INTS8: variants seen among roughly 807,000 people sequenced by gnomAD.
INTS8 encodes the protein integrator complex subunit 8, also known as protein kaonashi-1.
Under a neutral mutation model 138.9 loss-of-function variants are expected in INTS8, and 47 were observed. The observed-to-expected ratio is 0.34, with a 90% CI of 0.27 to 0.43. The LOEUF (loss-of-function observed/expected upper bound fraction) is 0.43. Ranked by LOEUF, INTS8 falls within the 20% of genes least tolerant of loss-of-function variation. The pLI is 1.00. For synonymous variants in INTS8, 392 were observed against 400.9 expected, an observed-to-expected ratio of 0.98 and a Z score of 0.27; for missense variants, 996 against 1,173.0, an observed-to-expected ratio of 0.85 and a Z score of 2.20.
chr8:94,843,499 A>G (rs1815214108), intron 10 of INTS8, among the ~76,000 whole-genome samples: 1 of 152,110 alleles, frequency 6.6e-6, no homozygotes, highest in South Asian at 2.1e-4. Flanking sequence ...ACTAGGAGGC[A>G]GAGGTTTCAA....
intron 16 of INTS8, among the ~76,000 whole-genome samples, chr8:94,864,240 C>T (rs1247417860): frequency 1.3e-5 from 2 of 151,766 alleles, no homozygotes; most frequent in Non-Finnish European, 2.9e-5. Context: ...AATTTTTGTC[C>T]TTGTCACAAT....
intron 16 of INTS8, among the ~76,000 whole-genome samples, chr8:94,862,238 G>A (rs1816018912): frequency 6.6e-6 from 1 of 152,126 alleles, no homozygotes; most frequent in South Asian, 2.1e-4. Context: ...CACCGTGCCC[G>A]ACCTGAATCA....
At chr8:94,824,167 GA>G (rs1407468191) in intron 1 of INTS8, among the ~76,000 whole-genome samples, 1 of 152,260 alleles carries the variant, frequency 6.6e-6, no homozygotes, top group African/African-American at 2.4e-5. Flanking sequence ...GATGGGGGAG[GA>G]GGAAAACTCC....
intron 8 of INTS8, 55 bp downstream of exon 8, chr8:94,838,673 T>G: frequency 6.9e-7 from 1 of 1,458,808 alleles, no homozygotes; most frequent in South Asian, 1.2e-5. Flanking sequence ...AAAACTAAGT[T>G]CAAATCCTCG....
chr8:94,875,943 A>G, intron 23 of INTS8, 131 bp from the exon 24 acceptor site: 1 of 683,252 alleles, frequency 1.5e-6, no homozygotes, highest in Non-Finnish European at 2.6e-6. Flanking sequence ...TGAAATTAAA[A>G]TTGGATGGAA....
At chr8:94,842,260 G>C (rs1815163412) in intron 9 of INTS8, 87 bp from the exon 10 acceptor site, 2 of 781,962 alleles carry the variant, frequency 2.6e-6, no homozygotes. Flanking sequence ...AGAATAAATG[G>C]CTCATTCTTG....
intron 7 of INTS8, 92 bp from the exon 8 acceptor site, chr8:94,838,371 A>G (rs1815011387): frequency 1.8e-6 from 2 of 1,100,992 alleles, no homozygotes; most frequent in South Asian, 1.7e-5. Context: ...TTTCGTTAGC[A>G]TTTCCTTGTA....
At chr8:94,866,692 T>C (rs1174510494) in intron 18 of INTS8, 1 of 171,594 alleles carries the variant, frequency 5.8e-6, no homozygotes, top group South Asian at 1.5e-4. Context: ...TACTTTACCA[T>C]GTTTTAGTGA....
At position 94,880,182 on chromosome 8, in the gene INTS8, C is replaced by A; in HGVS notation, c.2936C>A (p.Ala979Glu). The A allele has an allele frequency of 6.2e-7, 1 of 1,610,580 alleles. No individual in the cohort carries two copies. Among genetic ancestry groups the A allele is most frequent in the Non-Finnish European group, 8.5e-7 (1 of 1,178,898 alleles). The change falls in exon 27 of 27, where the codon GCG (alanine) becomes GAG (glutamate). Residue 979 changes from alanine to glutamate, a missense_variant. Coordinates refer to ENST00000523731, the MANE Select transcript of INTS8 (RefSeq NM_017864.4). ...CCAGAAGAAGTGTTACAGCTGGCAGCGCAGAGAAGGAAAAAAAAGTTTCTC... is the reference window on the plus strand; with the variant it reads ...CCAGAAGAAGTGTTACAGCTGGCAGAGCAGAGAAGGAAAAAAAAGTTTCTC... ...SNPEEVLQLA[A>E]QRRKKKFLQA...
chr8:94,869,233 A>C (rs899497086), intron 20 of INTS8, among the ~76,000 whole-genome samples: 2 of 151,014 alleles, frequency 1.3e-5, no homozygotes, highest in Non-Finnish European at 2.9e-5. Flanking sequence ...TGCACACCTC[A>C]GCCTCCCAAA....
chr8:94,872,707 A>G (rs1816440134), intron 21 of INTS8, among the ~76,000 whole-genome samples: 1 of 152,196 alleles, frequency 6.6e-6, no homozygotes, highest in African/African-American at 2.4e-5. Flanking sequence ...AGGTTTTCCC[A>G]CTTGATACGA....
chr8:94,862,747 G>A (rs990744303), intron 16 of INTS8, among the ~76,000 whole-genome samples: 1 of 152,044 alleles, frequency 6.6e-6, no homozygotes, highest in African/African-American at 2.4e-5. Context: ...CCTTGTTAAT[G>A]TCAAGGAAAA....
At chr8:94,850,370 T>C (rs1815486870) in intron 12 of INTS8, among the ~76,000 whole-genome samples, 1 of 152,110 alleles carries the variant, frequency 6.6e-6, no homozygotes, top group African/African-American at 2.4e-5. Context: ...CCCAGCACTT[T>C]GGGAGGCCAA....
At chr8:94,865,355 T>A (rs57099803) in intron 16 of INTS8, 151 bp from the exon 17 acceptor site, 10,595 of 606,300 alleles carry the variant, frequency 0.017, 227 homozygotes, top group East Asian at 0.075. Flanking sequence ...CCTAAATTCC[T>A]CAAAGGTTGT....
At chr8:94,869,713 A>T (rs1482854812) in intron 20 of INTS8, among the ~76,000 whole-genome samples, 1 of 152,032 alleles carries the variant, frequency 6.6e-6, no homozygotes, top group Non-Finnish European at 1.5e-5. Flanking sequence ...GGCTGGTCTC[A>T]AACTCCTGAC....
intron 13 of INTS8, among the ~76,000 whole-genome samples, chr8:94,852,194 C>G (rs928000241): frequency 6.6e-6 from 1 of 152,200 alleles, no homozygotes; most frequent in African/African-American, 2.4e-5. Context: ...CTACCCGCCT[C>G]TGCCTCCCCA....
chr8:94,858,536 T>C (rs539459195), intron 15 of INTS8, among the ~76,000 whole-genome samples: 1 of 152,364 alleles, frequency 6.6e-6, no homozygotes, highest in African/African-American at 2.4e-5. Flanking sequence ...TGAGAAAGAA[T>C]GTTTAAACCC....
intron 10 of INTS8, among the ~76,000 whole-genome samples, chr8:94,844,026 C>CTTTTTTT (rs539302253): frequency 5.5e-4 from 77 of 139,198 alleles, no homozygotes; most frequent in East Asian, 1.3e-3. Context: ...TAGAGTTCTG[C>CTTTTTTT]TTTTTTTTTT....
At chr8:94,864,245 C>G (rs1427250228) in intron 16 of INTS8, among the ~76,000 whole-genome samples, 1 of 151,848 alleles carries the variant, frequency 6.6e-6, no homozygotes, top group East Asian at 1.9e-4. Flanking sequence ...TTGTCCTTGT[C>G]ACAATCTTGC....
Sources: allele counts gnomAD v4.1 joint callset (sites outside exome capture counted in the v4.1 genomes callset), GRCh38; gene constraint gnomAD v4.1.1; transcripts MANE v1.5; gene names NCBI Gene and HGNC (gene_info 2026-07-23, HGNC 2026-07-21).